PREX1: variants seen among roughly 807,000 people sequenced by gnomAD.
PREX1 encodes phosphatidylinositol 3,4,5-trisphosphate-dependent Rac exchanger 1 protein.
In PREX1, 41 loss-of-function variants were observed where a neutral mutation model predicts 198.3. That is an observed-to-expected ratio of 0.21 (90% CI 0.16 to 0.27). The LOEUF is 0.27. Ranked by LOEUF, PREX1 falls within the 10% of genes least tolerant of loss-of-function variation. The pLI, the probability that PREX1 is intolerant of heterozygous loss-of-function variation, is 1.00. For synonymous variants in PREX1, 843 were observed against 887.2 expected, an observed-to-expected ratio of 0.95 and a Z score of 0.89; for missense variants, 1,620 against 2,200.7, an observed-to-expected ratio of 0.74 and a Z score of 5.28.
At chr20:48,727,700 T>A (rs985614489) in intron 4 of PREX1, among the ~76,000 whole-genome samples, 2 of 152,040 alleles carry the variant, frequency 1.3e-5, no homozygotes, top group African/African-American at 4.8e-5. Context: ...TGACACCGAG[T>A]CTGGGATTGA....
At chr20:48,745,886 T>C (rs1046123390) in intron 2 of PREX1, among the ~76,000 whole-genome samples, 3 of 152,202 alleles carry the variant, frequency 2.0e-5, no homozygotes, top group Non-Finnish European at 4.4e-5. Context: ...AAAAGGGGTG[T>C]TTCGTAGACA....
At chr20:48,735,674 G>A (rs1388957841) in intron 3 of PREX1, among the ~76,000 whole-genome samples, 1 of 151,106 alleles carries the variant, frequency 6.6e-6, no homozygotes, top group African/African-American at 2.4e-5. Context: ...CTGGAATGGG[G>A]GTGAACTCAC....
At chr20:48,784,080 C>G (rs551534883) in intron 1 of PREX1, among the ~76,000 whole-genome samples, 2 of 152,274 alleles carry the variant, frequency 1.3e-5, no homozygotes, top group South Asian at 4.2e-4. Flanking sequence ...AAGCTATAAA[C>G]AAATAAAGAC....
chr20:48,714,849 T>C (rs1601092941), intron 5 of PREX1, among the ~76,000 whole-genome samples: 1 of 152,220 alleles, frequency 6.6e-6, no homozygotes, highest in East Asian at 1.9e-4. Flanking sequence ...AAGTTCCTAC[T>C]GCTTCACAGT....
intron 1 of PREX1, among the ~76,000 whole-genome samples, chr20:48,778,248 A>G (rs911389209): frequency 2.6e-5 from 4 of 152,192 alleles, no homozygotes; most frequent in African/African-American, 7.2e-5. Context: ...CTGTAAAAGA[A>G]CAGTGTTGGA....
intron 5 of PREX1, among the ~76,000 whole-genome samples, chr20:48,710,908 G>C (rs529740120): frequency 6.6e-5 from 10 of 152,350 alleles, no homozygotes; most frequent in Admixed American, 5.9e-4. Flanking sequence ...GAGAGGGATG[G>C]ACCACAGATT....
chr20:48,840,224 A>G, the PREX1 span, among the ~76,000 whole-genome samples: 1 of 151,644 alleles, frequency 6.6e-6, no homozygotes, highest in Admixed American at 6.6e-5. Flanking sequence ...TATGTTCCCT[A>G]TGCTGGTCTC....
chr20:48,667,688 G>A (rs986751967), intron 14 of PREX1, among the ~76,000 whole-genome samples: 4 of 152,210 alleles, frequency 2.6e-5, no homozygotes, highest in Admixed American at 6.5e-5. Flanking sequence ...AGGACTTCCC[G>A]AAGGAAGTGA....
At chr20:48,721,357 G>T (rs548149634) in intron 5 of PREX1, among the ~76,000 whole-genome samples, 22 of 152,346 alleles carry the variant, frequency 1.4e-4, no homozygotes, top group Admixed American at 1.3e-3. Flanking sequence ...GAATGGCAGA[G>T]GCAGCTCCTC....
At chr20:48,757,854 C>T (rs1310868388) in intron 1 of PREX1, among the ~76,000 whole-genome samples, 1 of 152,156 alleles carries the variant, frequency 6.6e-6, no homozygotes, top group Admixed American at 6.6e-5. Context: ...CGTGCATTGG[C>T]TCCAAATACA....
chr20:48,759,992 G>C (rs2122835224), intron 1 of PREX1, among the ~76,000 whole-genome samples: 1 of 151,924 alleles, frequency 6.6e-6, no homozygotes, highest in East Asian at 1.9e-4. Context: ...CACACCTGTA[G>C]TCCCAGCTAC....
chr20:48,721,988 G>C lies in PREX1; in HGVS notation c.621+4302C>G, dbSNP rs77170436. On this transcript the variant is annotated intron_variant, in intron 5 of 39. Coordinates refer to ENST00000371941, the MANE Select transcript of PREX1 (RefSeq NM_020820.4). Reference sequence around the variant, plus strand: ...GGAGGGGGTGGTGGGGAGGTGGTCTGGGGAAAGGCATGAGTATGCTTGGTA... The same window carrying C: ...GGAGGGGGTGGTGGGGAGGTGGTCTCGGGAAAGGCATGAGTATGCTTGGTA... 2.3e-3 allele frequency among the ~76,000 whole-genome samples: 345 copies of C among 152,242 alleles called. 4 individuals are homozygous for C. In the East Asian group the frequency reaches 0.044, roughly 19 times the overall value.
the PREX1 span, among the ~76,000 whole-genome samples, chr20:48,852,485 A>C: frequency 6.6e-6 from 1 of 152,166 alleles, no homozygotes; most frequent in African/African-American, 2.4e-5. Flanking sequence ...TAGCAATTCC[A>C]TTTCTGGGAA....
chr20:48,831,186 G>A (rs748426036), upstream of PREX1, among the ~76,000 whole-genome samples: 1 of 152,166 alleles, frequency 6.6e-6, no homozygotes, highest in African/African-American at 2.4e-5. Flanking sequence ...AGAAAAGTAC[G>A]AAGAAGACTC....
In PREX1 at chr20:48,625,913, C is replaced by CAGAGGCGGT; in HGVS notation, c.4943_4951dup (p.Tyr1648_Leu1650dup). On this transcript the variant is annotated inframe_insertion, in exon 40 of 40. Coordinates refer to ENST00000371941, the MANE Select transcript of PREX1 (RefSeq NM_020820.4). The stretch of plus-strand genomic sequence containing the variant: ...GAGGTCCCCATCCACCGGCGGCTGG[C>CAGAGGCGGT]AGAGGCGGTAGAGGCTGGGGATGGA... The CAGAGGCGGT allele has an allele frequency of 6.4e-7, 1 of 1,562,498 alleles. No individual in the cohort carries two copies. Among genetic ancestry groups the CAGAGGCGGT allele is most frequent in the Non-Finnish European group, 8.6e-7 (1 of 1,156,894 alleles).
At chr20:48,703,646 T>C (rs1717511769) in intron 6 of PREX1, among the ~76,000 whole-genome samples, 2 of 151,874 alleles carry the variant, frequency 1.3e-5, no homozygotes, top group South Asian at 4.1e-4. Flanking sequence ...AAGAATCTGG[T>C]ACCTGGCCCA....
chr20:48,877,724 G>T, the PREX1 span, among the ~76,000 whole-genome samples: 7,581 of 152,296 alleles, frequency 0.05, 319 homozygotes, highest in African/African-American at 0.11. Flanking sequence ...CAACTAGAGT[G>T]ATCCTTTTTA....
At chr20:48,844,706 G>A in the PREX1 span, among the ~76,000 whole-genome samples, 3 of 152,170 alleles carry the variant, frequency 2.0e-5, no homozygotes, top group African/African-American at 7.2e-5. Flanking sequence ...ATGGTAGATG[G>A]AAAGATGCAA....
chr20:48,721,866 G>A lies in PREX1; in HGVS notation c.621+4424C>T, dbSNP rs56313552. Among the ~76,000 whole-genome samples, 652 of 152,224 alleles carry A rather than the reference G, an allele frequency of 4.3e-3. 10 individuals are homozygous for A. Among genetic ancestry groups the A allele is most frequent in the African/African-American group, 0.015 (623 of 41,536 alleles). On this transcript the variant is annotated intron_variant, in intron 5 of 39. Transcript: ENST00000371941. Reference sequence around the variant, plus strand: ...AGAGCCGACAGGACCTCCTCATGGCGAGACATGGGGGTGGGGAAAGAGGGA... The same window carrying A: ...AGAGCCGACAGGACCTCCTCATGGCAAGACATGGGGGTGGGGAAAGAGGGA...
Sources: allele counts gnomAD v4.1 joint callset (sites outside exome capture counted in the v4.1 genomes callset), GRCh38; gene constraint gnomAD v4.1.1; transcripts MANE v1.5; gene names NCBI Gene and HGNC (gene_info 2026-07-23, HGNC 2026-07-21).